Variants in DSCAM observed in about 807,000 individuals in gnomAD.
DSCAM encodes cell adhesion molecule DSCAM.
In DSCAM, 47 loss-of-function variants were observed where a neutral mutation model predicts 217.7. The ratio of observed to expected loss-of-function variants is 0.22; its 90% CI spans 0.17 to 0.28. The LOEUF (loss-of-function observed/expected upper bound fraction) is 0.28. Among genes scored for constraint, DSCAM ranks in the 10% least tolerant of loss-of-function variants. DSCAM has a pLI of 1.00. For missense variants in DSCAM, 2,080 were observed against 2,618.3 expected (o/e 0.79, Z 4.49); for synonymous variants, 1,056 against 1,015.3 (o/e 1.04, Z -0.76).
intron 1 of DSCAM, among the ~76,000 whole-genome samples, chr21:40,739,380 T>G (rs1191875425): frequency 2.6e-5 from 4 of 152,206 alleles, no homozygotes; most frequent in Non-Finnish European, 5.9e-5. Flanking sequence ...TTGCTGGGGC[T>G]GCCATAACAA....
rs1555911738 is a variant in DSCAM at position 40,381,074 on chromosome 21, A to AAAAAC, written c.509-11830_509-11829insGTTTT. Among the ~76,000 whole-genome samples the AAAAAC allele has an allele frequency of 8.1e-3, 1,192 of 147,106 alleles. 50 individuals carry two copies. The highest frequency in any genetic ancestry group is 0.03 in the African/African-American group (1,137 of 37,964). On this transcript the variant is annotated intron_variant, in intron 3 of 32. Transcript: ENST00000400454. ...CGAGACTCCGTCTCAAAAAAAAAAAAAAAAAAAAAAGAAAATAGAACTGAT... is the reference window on the plus strand; with the variant it reads ...CGAGACTCCGTCTCAAAAAAAAAAAAAAAACAAAAAAAAAAGAAAATAGAACTGAT...
intron 4 of DSCAM, among the ~76,000 whole-genome samples, chr21:40,358,148 C>T (rs1279994734): frequency 1.3e-5 from 2 of 152,116 alleles, no homozygotes; most frequent in Non-Finnish European, 2.9e-5. Flanking sequence ...ATGAAATGCA[C>T]CAACTTCTAA....
chr21:40,067,007 T>C (rs922028396), intron 27 of DSCAM, among the ~76,000 whole-genome samples: 4 of 152,206 alleles, frequency 2.6e-5, no homozygotes, highest in Non-Finnish European at 5.9e-5. Context: ...CCATCATCAA[T>C]TGAAAATATA....
chr21:40,536,508 T>G (rs890279337), intron 3 of DSCAM, among the ~76,000 whole-genome samples: 10 of 151,274 alleles, frequency 6.6e-5, no homozygotes, highest in African/African-American at 2.2e-4. Context: ...TTCACGCCAT[T>G]CTCCTGCCTC....
At chr21:40,149,341 C>T (rs13049694) in intron 16 of DSCAM, among the ~76,000 whole-genome samples, 1 of 149,512 alleles carries the variant, frequency 6.7e-6, no homozygotes, top group Non-Finnish European at 1.5e-5. Context: ...ATACCACCAT[C>T]ACTATCACCA....
chr21:40,827,467 T>C, intron 1 of DSCAM, among the ~76,000 whole-genome samples: 1 of 8,982 alleles, frequency 1.1e-4, no homozygotes, highest in Non-Finnish European at 2.5e-4. Flanking sequence ...AGTCCATGTC[T>C]CAAAAAAAAA....
intron 9 of DSCAM, among the ~76,000 whole-genome samples, chr21:40,299,269 A>G (rs919215815): frequency 6.6e-6 from 1 of 152,252 alleles, no homozygotes; most frequent in Admixed American, 6.5e-5. Flanking sequence ...TGAATAAGCC[A>G]AATCATATAC....
intron 11 of DSCAM, among the ~76,000 whole-genome samples, chr21:40,238,283 G>A (rs1325282994): frequency 1.3e-5 from 2 of 152,172 alleles, no homozygotes; most frequent in Non-Finnish European, 2.9e-5. Flanking sequence ...CAGTGAAAAC[G>A]ACCCTTGGAC....
chr21:40,648,269 ACACACACACACACT>A (rs1413042573), intron 3 of DSCAM, among the ~76,000 whole-genome samples: 1 of 149,118 alleles, frequency 6.7e-6, no homozygotes, highest in African/African-American at 2.5e-5. Flanking sequence ...ACACACACAC[ACACACACACACACT>A]CACACACTGC....
intron 4 of DSCAM, among the ~76,000 whole-genome samples, chr21:40,361,386 C>T (rs913426187): frequency 3.9e-5 from 6 of 152,024 alleles, no homozygotes; most frequent in Non-Finnish European, 8.8e-5. Context: ...TTTGGGAGGC[C>T]GAGGCAGGGG....
intron 3 of DSCAM, among the ~76,000 whole-genome samples, chr21:40,486,255 T>C (rs180772607): frequency 1.4e-4 from 21 of 152,304 alleles, no homozygotes; most frequent in African/African-American, 4.8e-4. Flanking sequence ...TGGTTTATCC[T>C]GGGCCTTTCT....
At chr21:40,428,037 G>T (rs944192147) in intron 3 of DSCAM, among the ~76,000 whole-genome samples, 7 of 152,056 alleles carry the variant, frequency 4.6e-5, no homozygotes, top group African/African-American at 1.4e-4. Context: ...CATCTTTCTT[G>T]TCTGTCCTCA....
At chr21:40,167,641 C>G (rs910836765) in intron 15 of DSCAM, among the ~76,000 whole-genome samples, 2 of 152,144 alleles carry the variant, frequency 1.3e-5, no homozygotes, top group Non-Finnish European at 2.9e-5. Context: ...ATTGAAGGTC[C>G]TTCTCTCCCC....
intron 3 of DSCAM, among the ~76,000 whole-genome samples, chr21:40,671,710 AAG>A (rs1555878660): frequency 6.6e-6 from 1 of 151,654 alleles, no homozygotes; most frequent in Non-Finnish European, 1.5e-5. Context: ...AAAAAAAAAA[AAG>A]GATGACTATG....
At chr21:40,225,979 T>C (rs535371355) in intron 11 of DSCAM, among the ~76,000 whole-genome samples, 1 of 152,334 alleles carries the variant, frequency 6.6e-6, no homozygotes, top group South Asian at 2.1e-4. Context: ...TATTCCCTTA[T>C]GGGTTTGATA....
At chr21:40,479,647 C>G (rs902569189) in intron 3 of DSCAM, among the ~76,000 whole-genome samples, 1 of 152,122 alleles carries the variant, frequency 6.6e-6, no homozygotes, top group Non-Finnish European at 1.5e-5. Context: ...ATCACGAGAA[C>G]AGCATGGGTA....
chr21:40,142,754 A>G (rs759934536), intron 17 of DSCAM, 50 bp from the exon 18 acceptor site: 1 of 1,474,646 alleles, frequency 6.8e-7, no homozygotes, highest in South Asian at 1.3e-5. Flanking sequence ...GTTTATGAGC[A>G]AAGCAATAAC....
chr21:40,600,886 G>T (rs1189095968), intron 3 of DSCAM, among the ~76,000 whole-genome samples: 1 of 152,118 alleles, frequency 6.6e-6, no homozygotes, highest in South Asian at 2.1e-4. Flanking sequence ...CCCTCATTCT[G>T]TTCCATTGAC....
At chr21:40,700,501 T>C (rs1402568207) in intron 2 of DSCAM, among the ~76,000 whole-genome samples, 1 of 152,212 alleles carries the variant, frequency 6.6e-6, no homozygotes, top group Non-Finnish European at 1.5e-5. Context: ...CACCTTGCAT[T>C]ATGAATATAA....
Sources: gnomAD v4.1 joint callset for allele counts (sites outside exome capture counted in the v4.1 genomes callset) on GRCh38, gnomAD v4.1.1 for gene constraint, MANE v1.5 for transcripts, NCBI Gene and HGNC (gene_info 2026-07-23, HGNC 2026-07-21) for gene names.